The following NTM variants were observed in gnomAD, a reference collection of about 807,000 sequenced individuals.
NTM encodes the protein IgLON family member 2.
NTM carries 13 observed loss-of-function variants against 42.1 expected under a neutral mutation model. The observed-to-expected ratio is 0.31, with a 90% CI of 0.20 to 0.49. The LOEUF (loss-of-function observed/expected upper bound fraction) is 0.49. NTM is among the 20% of genes least tolerant of loss of function. NTM has a pLI of 0.99. For synonymous variants in NTM, 187 were observed against 179.2 expected (o/e 1.04, Z -0.35); for missense variants, 373 against 452.8 (o/e 0.82, Z 1.60).
chr11:131,595,090 A>T (rs2059702032), intron 1 of NTM, among the ~76,000 whole-genome samples: 1 of 152,190 alleles, frequency 6.6e-6, no homozygotes, highest in Non-Finnish European at 1.5e-5. Context: ...GGGGAATTCC[A>T]CATCATAGCT....
chr11:131,755,322 T>C (rs1384477980), intron 1 of NTM, among the ~76,000 whole-genome samples: 1 of 152,134 alleles, frequency 6.6e-6, no homozygotes, highest in Non-Finnish European at 1.5e-5. Context: ...GGAATCCCAA[T>C]GACCCTGGGG....
In NTM at chr11:132,305,189, G is replaced by A. The variant is rs1007078677; in HGVS notation, c.527-2500G>A. 5.3e-5 allele frequency among the ~76,000 whole-genome samples: 8 copies of A among 152,302 alleles called. No homozygotes were observed. In the East Asian group the frequency reaches 1.5e-3, roughly 29 times the overall value. On this transcript the variant is annotated intron_variant, in intron 4 of 8. Coordinates refer to ENST00000683400, the MANE Select transcript of NTM (RefSeq NM_001352005.2). ...GGATGTCCATGACAAGTTGGCCCCTGCAAATCTCGCTGTGGCCACAAAAGA... is the reference window on the plus strand; with the variant it reads ...GGATGTCCATGACAAGTTGGCCCCTACAAATCTCGCTGTGGCCACAAAAGA...
At chr11:131,455,775 G>A (rs1393030222) in intron 1 of NTM, among the ~76,000 whole-genome samples, 1 of 152,202 alleles carries the variant, frequency 6.6e-6, no homozygotes, top group Non-Finnish European at 1.5e-5. Context: ...AAGGAGGACT[G>A]TCAGCAAGGC....
chr11:132,084,807 A>G (rs1433792938), intron 2 of NTM, among the ~76,000 whole-genome samples: 3 of 152,186 alleles, frequency 2.0e-5, no homozygotes, highest in Non-Finnish European at 2.9e-5. Flanking sequence ...CTATTACATG[A>G]AAATCTTGTA....
At position 132,335,157 on chromosome 11, in the gene NTM, A is replaced by G; in HGVS notation, c.*11A>G. On this transcript the variant is annotated 3_prime_UTR_variant, in exon 9 of 9. Coordinates refer to ENST00000683400, the MANE Select transcript of NTM (RefSeq NM_001352005.2). ...CTTCTCAAATTTTGATGTGAGTGCC[A>G]CTTCCCCACCCGGGAAAGGCTGCCG... 6.2e-7 allele frequency: 1 copy of G among 1,611,736 alleles called. No homozygotes were observed. Among genetic ancestry groups the G allele is most frequent in the East Asian group, 2.2e-5 (1 of 44,856 alleles).
chr11:131,415,475 C>A (rs946404829), intron 1 of NTM, among the ~76,000 whole-genome samples: 2 of 152,180 alleles, frequency 1.3e-5, no homozygotes, highest in Non-Finnish European at 2.9e-5. Flanking sequence ...AGAATATAAT[C>A]ATATACCACA....
chr11:131,739,841 C>A (rs1184117834), intron 1 of NTM, among the ~76,000 whole-genome samples: 1 of 152,150 alleles, frequency 6.6e-6, no homozygotes, highest in Non-Finnish European at 1.5e-5. Context: ...GCAGACAGGT[C>A]TATAGCAGCA....
At chr11:131,782,631 A>G (rs915002313) in intron 1 of NTM, among the ~76,000 whole-genome samples, 1 of 152,164 alleles carries the variant, frequency 6.6e-6, no homozygotes, top group Non-Finnish European at 1.5e-5. Flanking sequence ...ATCCAGAAAT[A>G]TATAAATAGG....
At chr11:131,759,341 A>T (rs904201659) in intron 1 of NTM, among the ~76,000 whole-genome samples, 2 of 152,222 alleles carry the variant, frequency 1.3e-5, no homozygotes, top group Non-Finnish European at 2.9e-5. Context: ...TGCAAAACCA[A>T]TACCACAGAG....
chr11:131,435,956 G>A (rs1043838918), intron 1 of NTM, among the ~76,000 whole-genome samples: 2 of 152,096 alleles, frequency 1.3e-5, no homozygotes, highest in African/African-American at 2.4e-5. Context: ...TTTAAGATAC[G>A]TTCCGTCAGT....
chr11:131,389,027 AAG>A (rs1421838231), intron 1 of NTM, among the ~76,000 whole-genome samples: 1 of 147,600 alleles, frequency 6.8e-6, no homozygotes, highest in African/African-American at 2.6e-5. Context: ...AAAAAAAAAA[AAG>A]AAAAGAAAAG....
At chr11:131,640,539 C>A (rs2065009035) in intron 1 of NTM, among the ~76,000 whole-genome samples, 1 of 152,146 alleles carries the variant, frequency 6.6e-6, no homozygotes, top group Non-Finnish European at 1.5e-5. Context: ...TGGCTCTACC[C>A]TACTGCTTAG....
chr11:131,592,877 C>CCAT (rs2059500251), intron 1 of NTM, among the ~76,000 whole-genome samples: 1 of 152,198 alleles, frequency 6.6e-6, no homozygotes, highest in Non-Finnish European at 1.5e-5. Flanking sequence ...CAGCAGCCTG[C>CCAT]CATCATCTCT....
rs577961364 is a variant in NTM at position 132,220,084 on chromosome 11, T to C, written c.526+7937T>C. Among the ~76,000 whole-genome samples the C allele has an allele frequency of 1.6e-4, 25 of 152,282 alleles. No homozygotes were observed. The East Asian group carries it at 4.8e-3, about 29-fold the overall frequency. On this transcript the variant is annotated intron_variant, in intron 4 of 8. Transcript: ENST00000683400. Reference sequence around the variant, plus strand: ...CAAAAGATATTACAGTAGTCATTGATGGTGGGAGAACAAAAAAATAATTGC... The same window carrying C: ...CAAAAGATATTACAGTAGTCATTGACGGTGGGAGAACAAAAAAATAATTGC...
At chr11:132,235,609 C>CT (rs1056047505) in intron 4 of NTM, among the ~76,000 whole-genome samples, 4 of 152,132 alleles carry the variant, frequency 2.6e-5, no homozygotes, top group African/African-American at 9.7e-5. Context: ...GTCCCTTGGG[C>CT]TTTTTATCAA....
chr11:132,330,206 G>A, intron 8 of NTM, 21 bp downstream of exon 8: 1 of 1,550,908 alleles, frequency 6.4e-7, no homozygotes, highest in South Asian at 1.2e-5. Flanking sequence ...TTTTCAGACA[G>A]CTGCTGCCTT....
In NTM at chr11:131,502,516, C is replaced by T. The variant is rs191026366; in HGVS notation, c.82+131628C>T. ...GCTGAGGGGAGGCAGGAGCTGGGAG[C>T]GGGGGAAAGTGCTATCACAGAGGCA... is the stretch of plus-strand genomic sequence containing the variant. On this transcript the variant is annotated intron_variant, in intron 1 of 8. Transcript: ENST00000683400. Among the ~76,000 whole-genome samples, 7 of 152,038 alleles carry T rather than the reference C, an allele frequency of 4.6e-5. No homozygotes were observed. The East Asian group carries it at 7.8e-4, about 17-fold the overall frequency.
intron 3 of NTM, among the ~76,000 whole-genome samples, chr11:132,200,426 C>A (rs1477718868): frequency 6.6e-6 from 1 of 152,128 alleles, no homozygotes; most frequent in African/African-American, 2.4e-5. Flanking sequence ...CTCAACTGTG[C>A]AGTTATTTGG....
At chr11:131,956,606 TG>T (rs2061584743) in intron 2 of NTM, among the ~76,000 whole-genome samples, 1 of 150,836 alleles carries the variant, frequency 6.6e-6, no homozygotes, top group Non-Finnish European at 1.5e-5. Flanking sequence ...CTCGGGGGGT[TG>T]GGGGTGGGGG....
Sources: gnomAD v4.1 joint callset for allele counts (sites outside exome capture counted in the v4.1 genomes callset) on GRCh38, gnomAD v4.1.1 for gene constraint, MANE v1.5 for transcripts, NCBI Gene and HGNC (gene_info 2026-07-23, HGNC 2026-07-21) for gene names.